Variants in SERPINE2 observed in about 807,000 individuals in gnomAD.
The protein encoded by SERPINE2 is glia-derived nexin.
A neutral mutation model predicts 36.3 loss-of-function variants in SERPINE2; 14 were observed. The ratio of observed to expected loss-of-function variants is 0.39; its 90% CI spans 0.25 to 0.60. The LOEUF (loss-of-function observed/expected upper bound fraction) is 0.60. Ranked by LOEUF, SERPINE2 falls within the 20% of genes least tolerant of loss-of-function variation. SERPINE2 has a pLI of 0.57. For missense variants in SERPINE2, 418 were observed against 499.6 expected, an observed-to-expected ratio of 0.84 and a Z score of 1.56; for synonymous variants, 192 against 191.8, an observed-to-expected ratio of 1.00 and a Z score of -0.01.
At chr2:224,038,384 G>A (rs1692595844) in intron 1 of SERPINE2, 1 of 865,750 alleles carries the variant, frequency 1.2e-6, no homozygotes, top group East Asian at 2.7e-5. Flanking sequence ...ACCTGAAGGT[G>A]GAGTGCTGTC....
intron 3 of SERPINE2, among the ~76,000 whole-genome samples, chr2:223,996,066 G>A (rs1047763938): frequency 2.0e-5 from 3 of 152,124 alleles, no homozygotes; most frequent in Non-Finnish European, 2.9e-5. Flanking sequence ...TGTTACAAAC[G>A]GAGGAGCTGG....
At chr2:224,022,761 C>CTG in intron 1 of SERPINE2, among the ~76,000 whole-genome samples, 1 of 152,196 alleles carries the variant, frequency 6.6e-6, no homozygotes, top group East Asian at 1.9e-4. Context: ...TATGGCTTGG[C>CTG]TGTGTCCCCA....
chr2:224,036,476 T>G (rs1248690163), intron 1 of SERPINE2, among the ~76,000 whole-genome samples: 2 of 135,286 alleles, frequency 1.5e-5, no homozygotes, highest in African/African-American at 2.9e-5. Flanking sequence ...CACTGGGGCC[T>G]GTGGTGGGGG....
At chr2:224,010,352 C>T (rs527359800) in intron 1 of SERPINE2, 53 of 985,082 alleles carry the variant, frequency 5.4e-5, no homozygotes, top group South Asian at 2.3e-4. Context: ...CCTTTTCAGC[C>T]GCTGAAAAGT....
At chr2:223,983,571 G>C (rs1279022697) in intron 5 of SERPINE2, among the ~76,000 whole-genome samples, 1 of 151,878 alleles carries the variant, frequency 6.6e-6, no homozygotes. Context: ...GATTCTGAAA[G>C]TATTTTACTA....
intron 1 of SERPINE2, among the ~76,000 whole-genome samples, chr2:224,032,812 A>G (rs1421512727): frequency 6.6e-6 from 1 of 152,214 alleles, no homozygotes; most frequent in East Asian, 1.9e-4. Context: ...AAAACATACG[A>G]GTGGAATTAC....
intron 2 of SERPINE2, 69 bp from the exon 3 acceptor site, chr2:223,998,411 T>C (rs2106159727): frequency 7.8e-7 from 1 of 1,274,440 alleles, no homozygotes; most frequent in South Asian, 1.3e-5. Context: ...AAATCTTTTA[T>C]GTTGCAGCAA....
At chr2:223,999,108 GA>G (rs909979384) in intron 2 of SERPINE2, among the ~76,000 whole-genome samples, 9 of 151,034 alleles carry the variant, frequency 6.0e-5, no homozygotes, top group East Asian at 1.9e-4. Context: ...TTCTATTTTG[GA>G]AAAAAAATGA....
At chr2:224,008,662 C>T (rs925444399) in intron 1 of SERPINE2, among the ~76,000 whole-genome samples, 3 of 152,226 alleles carry the variant, frequency 2.0e-5, no homozygotes, top group Non-Finnish European at 4.4e-5. Context: ...TATACATCTT[C>T]TGTTCCAGAT....
intron 5 of SERPINE2, 109 bp from the exon 6 acceptor site, chr2:223,982,890 C>T (rs1262373277): frequency 9.9e-6 from 7 of 709,544 alleles, no homozygotes; most frequent in Non-Finnish European, 1.4e-5. Flanking sequence ...TATCTGAATA[C>T]CGATCTGAAT....
chr2:224,031,752 A>ACCCCCCCCC (rs199826291), intron 1 of SERPINE2, among the ~76,000 whole-genome samples: 4 of 104,624 alleles, frequency 3.8e-5, no homozygotes, highest in Admixed American at 2.0e-4. Flanking sequence ...TAGGATTTCC[A>ACCCCCCCCC]CCCCCCACCC....
chr2:223,995,226 G>A (rs900446725), intron 3 of SERPINE2, among the ~76,000 whole-genome samples: 1 of 152,258 alleles, frequency 6.6e-6, no homozygotes, highest in African/African-American at 2.4e-5. Flanking sequence ...AAAGGCCTGC[G>A]CGTTGGGCTC....
chr2:224,011,659 A>G (rs1482950042), intron 1 of SERPINE2, among the ~76,000 whole-genome samples: 1 of 152,338 alleles, frequency 6.6e-6, no homozygotes, highest in Non-Finnish European at 1.5e-5. Context: ...TTGATTTTTT[A>G]AAAATCTTTT....
intron 4 of SERPINE2, chr2:223,985,180 C>A (rs544976171): frequency 5.1e-5 from 28 of 547,016 alleles, no homozygotes; most frequent in African/African-American, 5.1e-4. Context: ...TCACTGAAAT[C>A]ACTTTAATTC....
intron 4 of SERPINE2, among the ~76,000 whole-genome samples, chr2:223,989,623 C>T (rs1379138414): frequency 6.6e-6 from 1 of 152,176 alleles, no homozygotes; most frequent in Non-Finnish European, 1.5e-5. Flanking sequence ...AAACAGGGAA[C>T]TTATGACACT....
chr2:223,989,528 C>T lies in SERPINE2; in HGVS notation c.685+2275G>A, dbSNP rs150712423. ...AACAATCAGCCACTTGGGGACACCA[C>T]AAATGGCGGTACTTTCTTCACAGCC... On this transcript the variant is annotated intron_variant, in intron 4 of 8. Coordinates refer to ENST00000409304, the MANE Select transcript of SERPINE2 (RefSeq NM_001136528.2). Among the ~76,000 whole-genome samples, 492 of 152,340 alleles carry T rather than the reference C, an allele frequency of 3.2e-3. 3 individuals are homozygous for T. Among genetic ancestry groups the T allele is most frequent in the Non-Finnish European group, 6.0e-3 (407 of 68,032 alleles).
chr2:223,998,351 G>T lies in SERPINE2; in HGVS notation c.260-9C>A. ...TAATATTTTACCAACTCCTAAAAGA[G>T]AAATCAGAAGATACAGCAATACTTC... On this transcript the variant is annotated splice_polypyrimidine_tract_variant and intron_variant, in intron 2 of 8. Coordinates refer to ENST00000409304, the MANE Select transcript of SERPINE2 (RefSeq NM_001136528.2). The T allele has an allele frequency of 5.1e-6, 8 of 1,583,516 alleles. No homozygotes were observed. The highest frequency in any genetic ancestry group is 6.9e-6 in the Non-Finnish European group (8 of 1,152,424).
At chr2:223,985,929 G>A (rs968911669) in intron 4 of SERPINE2, among the ~76,000 whole-genome samples, 96 of 152,210 alleles carry the variant, frequency 6.3e-4, no homozygotes, top group African/African-American at 2.1e-3. Flanking sequence ...CTACCTGCAA[G>A]ATGCTCTATA....
intron 2 of SERPINE2, among the ~76,000 whole-genome samples, chr2:223,998,662 G>A (rs1418332831): frequency 6.6e-6 from 1 of 152,204 alleles, no homozygotes; most frequent in East Asian, 1.9e-4. Flanking sequence ...GCTGCAGTAA[G>A]CCATGATCGG....
Sources: allele counts gnomAD v4.1 joint callset (sites outside exome capture counted in the v4.1 genomes callset), GRCh38; gene constraint gnomAD v4.1.1; transcripts MANE v1.5; gene names NCBI Gene and HGNC (gene_info 2026-07-23, HGNC 2026-07-21).